Variants in CNNM4 observed in about 807,000 individuals in gnomAD.
CNNM4 encodes metal transporter CNNM4.
CNNM4 carries 32 observed loss-of-function variants against 53.7 expected under a neutral mutation model. That is an observed-to-expected ratio of 0.60 (90% CI 0.45 to 0.80). The LOEUF (loss-of-function observed/expected upper bound fraction) is 0.80, where lower values mean the gene tolerates loss of function less well. Ranked by LOEUF, CNNM4 falls within the 30% of genes least tolerant of loss-of-function variation. The probability of loss-of-function intolerance (pLI) is 0.00; values close to 1 mark genes in which losing one functional copy is unlikely to be tolerated. For missense variants in CNNM4, 784 were observed against 1,022.0 expected, an observed-to-expected ratio of 0.77 and a Z score of 3.17; for synonymous variants, 410 against 440.0, an observed-to-expected ratio of 0.93 and a Z score of 0.85.
chr2:96,778,476 G>A (rs1468362167), intron 1 of CNNM4, among the ~76,000 whole-genome samples: 1 of 151,002 alleles, frequency 6.6e-6, no homozygotes, highest in Non-Finnish European at 1.5e-5. Context: ...AGAATTGCTT[G>A]AACCCGGGAG....
At chr2:96,766,004 G>A (rs1189498385) in intron 1 of CNNM4, among the ~76,000 whole-genome samples, 6 of 150,860 alleles carry the variant, frequency 4.0e-5, no homozygotes, top group South Asian at 4.2e-4. Flanking sequence ...GGCTGGTTGC[G>A]AACTCCTGAC....
intron 1 of CNNM4, among the ~76,000 whole-genome samples, chr2:96,772,457 T>A (rs1439778280): frequency 1.3e-4 from 12 of 95,868 alleles, no homozygotes; most frequent in South Asian, 4.0e-4. Context: ...TACCCCCACA[T>A]AGGCACAGGC....
intron 1 of CNNM4, among the ~76,000 whole-genome samples, chr2:96,781,044 T>G (rs1361102267): frequency 1.5e-5 from 2 of 130,710 alleles, no homozygotes; most frequent in East Asian, 5.4e-4. Context: ...AGTGGCACAA[T>G]CTCGGCTCAC....
intron 1 of CNNM4, among the ~76,000 whole-genome samples, chr2:96,794,050 G>T (rs1315785032): frequency 6.6e-6 from 1 of 152,218 alleles, no homozygotes; most frequent in Non-Finnish European, 1.5e-5. Context: ...GTCTGAGCCT[G>T]TGGAGTAATT....
At chr2:96,780,972 CTTTTTTT>C (rs1049996269) in intron 1 of CNNM4, among the ~76,000 whole-genome samples, 5 of 50,022 alleles carry the variant, frequency 1.0e-4, no homozygotes, top group African/African-American at 1.9e-4. Flanking sequence ...ATCTCGAACT[CTTTTTTT>C]TTTTTTTTTT....
At chr2:96,780,679 TTTTGTTTTG>T (rs2078966489) in intron 1 of CNNM4, among the ~76,000 whole-genome samples, 1 of 152,176 alleles carries the variant, frequency 6.6e-6, no homozygotes. Flanking sequence ...GATTACAGGT[TTTTGTTTTG>T]TTTGTTTTGT....
At chr2:96,769,819 C>A (rs147231721) in intron 1 of CNNM4, among the ~76,000 whole-genome samples, 1 of 152,244 alleles carries the variant, frequency 6.6e-6, no homozygotes, top group African/African-American at 2.4e-5. Flanking sequence ...ACCGGTTCTC[C>A]GTCAGCCCTG....
chr2:96,797,285 C>A lies in CNNM4; in HGVS notation c.1546+130C>A. ...ATCCAGAGGCCCAGTGGCTGGGTGCCCTGCACTGGCCGGGGTGAGCAGGGA... is the reference window on the plus strand; with the variant it reads ...ATCCAGAGGCCCAGTGGCTGGGTGCACTGCACTGGCCGGGGTGAGCAGGGA... On this transcript the variant is annotated intron_variant, in intron 2 of 6. Transcript: ENST00000377075. This position sits in a 1 kb window ranked among gnomAD's most constrained non-coding sequence, Gnocchi z 6.0. 1 of 1,398,022 alleles carries A rather than the reference C, an allele frequency of 7.2e-7. No individual in the cohort carries two copies. Among genetic ancestry groups the A allele is most frequent in the Non-Finnish European group, 1.0e-6 (1 of 1,003,104 alleles). 86.6% of individuals were successfully genotyped at this position (1,398,022 alleles called of 1,614,324 possible). A position where few individuals can be genotyped will look rare whatever the true frequency, so the allele number is the denominator to read the frequency against.
chr2:96,797,462 C>T lies in CNNM4; in HGVS notation c.1547-51C>T, dbSNP rs780995239. The T allele has an allele frequency of 6.8e-6, 11 of 1,609,142 alleles. No individual in the cohort carries two copies. Among genetic ancestry groups the T allele is most frequent in the Admixed American group, 5.0e-5 (3 of 60,006 alleles). The stretch of plus-strand genomic sequence containing the variant: ...GCTGCGGGGCGGGTTCCAGTCTCTT[C>T]CTAAGTCCTCAGGGGTCTGTGTTCT... On this transcript the variant is annotated intron_variant, in intron 2 of 6. Coordinates refer to ENST00000377075, the MANE Select transcript of CNNM4 (RefSeq NM_020184.4). The surrounding 1 kb of genome is among the most constrained non-coding windows in gnomAD (Gnocchi z 6.0).
intron 1 of CNNM4, among the ~76,000 whole-genome samples, chr2:96,795,980 C>T (rs1321635909): frequency 3.3e-5 from 5 of 152,092 alleles, no homozygotes; most frequent in Non-Finnish European, 4.4e-5. Context: ...AGCCTCCTTC[C>T]CTCACTTTGG....
At chr2:96,769,717 A>G (rs2078851726) in intron 1 of CNNM4, among the ~76,000 whole-genome samples, 1 of 152,164 alleles carries the variant, frequency 6.6e-6, no homozygotes, top group Non-Finnish European at 1.5e-5. Flanking sequence ...AGATGGGGTG[A>G]AGACCATGCA....
At chr2:96,770,426 G>C (rs1186363214) in intron 1 of CNNM4, among the ~76,000 whole-genome samples, 1 of 152,168 alleles carries the variant, frequency 6.6e-6, no homozygotes. Flanking sequence ...GGCCTGTCTC[G>C]TAAGTAAAAG....
chr2:96,776,653 G>A (rs2314399), intron 1 of CNNM4, among the ~76,000 whole-genome samples: 11,752 of 151,858 alleles, frequency 0.077, 531 homozygotes, highest in Middle Eastern at 0.16. Context: ...TCGCTCTCTC[G>A]CCCAGCCTGG....
intron 1 of CNNM4, among the ~76,000 whole-genome samples, chr2:96,789,147 T>C (rs2079039252): frequency 6.6e-6 from 1 of 152,060 alleles, no homozygotes; most frequent in African/African-American, 2.4e-5. Flanking sequence ...AGGGCACTAC[T>C]CAGGCCTCGC....
chr2:96,776,064 T>C (rs2078921549), intron 1 of CNNM4, among the ~76,000 whole-genome samples: 1 of 144,672 alleles, frequency 6.9e-6, no homozygotes, highest in South Asian at 2.3e-4. Context: ...AGTCTCGCTC[T>C]GTTGCCCAGG....
intron 1 of CNNM4, among the ~76,000 whole-genome samples, chr2:96,795,283 T>A (rs1463778346): frequency 6.6e-6 from 1 of 152,256 alleles, no homozygotes; most frequent in Admixed American, 6.5e-5. Flanking sequence ...GGTCCCGGCC[T>A]GGCCCGCTGC....
chr2:96,779,919 C>T (rs1331735010), intron 1 of CNNM4, among the ~76,000 whole-genome samples: 2 of 151,920 alleles, frequency 1.3e-5, no homozygotes, highest in African/African-American at 2.4e-5. Context: ...TCTCCTGCCT[C>T]AGCCTCCTGA....
chr2:96,773,124 C>T (rs931779211), intron 1 of CNNM4, among the ~76,000 whole-genome samples: 3 of 151,978 alleles, frequency 2.0e-5, no homozygotes, highest in Middle Eastern at 6.8e-3. Context: ...AAACCGAAAC[C>T]TATTTCTCAT....
chr2:96,763,253 A>G lies in CNNM4; in HGVS notation c.1402+852A>G, dbSNP rs563185234. Reference sequence around the variant, plus strand: ...TTTTTTCTCACCTGGGTTCTTGGCCATTTCGCAGGTAGTTAGAGAGGCATT... The same window carrying G: ...TTTTTTCTCACCTGGGTTCTTGGCCGTTTCGCAGGTAGTTAGAGAGGCATT... On this transcript the variant is annotated intron_variant, in intron 1 of 6. Coordinates refer to ENST00000377075, the MANE Select transcript of CNNM4 (RefSeq NM_020184.4). Among the ~76,000 whole-genome samples the G allele has an allele frequency of 1.7e-4, 26 of 152,184 alleles. 1 individual carries two copies. Among genetic ancestry groups the G allele is most frequent in the Non-Finnish European group, 3.7e-4 (25 of 68,002 alleles).
Sources: gnomAD v4.1 joint callset for allele counts (sites outside exome capture counted in the v4.1 genomes callset) on GRCh38, gnomAD v4.1.1 for gene constraint, Gnocchi (gnomAD v3.1) non-coding constraint, MANE v1.5 for transcripts, NCBI Gene and HGNC (gene_info 2026-07-23, HGNC 2026-07-21) for gene names.